Variants in CAMK1D observed in about 807,000 individuals in gnomAD.
CAMK1D encodes the protein calcium/calmodulin dependent protein kinase ID.
CAMK1D carries 9 observed loss-of-function variants against 47.7 expected under a neutral mutation model. The observed-to-expected ratio is 0.19, with a 90% CI of 0.11 to 0.33. CAMK1D has a LOEUF of 0.33. Ranked by LOEUF, CAMK1D falls within the 10% of genes least tolerant of loss-of-function variation. The pLI, the probability that CAMK1D is intolerant of heterozygous loss-of-function variation, is 1.00. For synonymous variants in CAMK1D, 184 were observed against 184.9 expected, an observed-to-expected ratio of 0.99 and a Z score of 0.04; for missense variants, 291 against 488.7, an observed-to-expected ratio of 0.60 and a Z score of 3.81.
At chr10:12,509,155 G>C (rs563822971) in intron 1 of CAMK1D, among the ~76,000 whole-genome samples, 1 of 152,206 alleles carries the variant, frequency 6.6e-6, no homozygotes, top group Non-Finnish European at 1.5e-5. Flanking sequence ...ATAATTGCAC[G>C]ACTTTCCCTT....
intron 4 of CAMK1D, among the ~76,000 whole-genome samples, chr10:12,764,391 A>AAAAAAAAAAAAAAAAC (rs1554822776): frequency 6.6e-6 from 1 of 151,096 alleles, no homozygotes; most frequent in Non-Finnish European, 1.5e-5. Context: ...CAAAAAAAAA[A>AAAAAAAAAAAAAAAAC]AAAAAAACAT....
chr10:12,747,848 A>G (rs1384488987), intron 3 of CAMK1D, among the ~76,000 whole-genome samples: 1 of 152,154 alleles, frequency 6.6e-6, no homozygotes, highest in Non-Finnish European at 1.5e-5. Context: ...AGCAGGAGGG[A>G]TCCCCTCATA....
rs577455777 is a variant in CAMK1D, at chr10:12,537,223, C to T, written c.93-16002C>T. 5.3e-5 allele frequency among the ~76,000 whole-genome samples: 8 copies of T among 152,258 alleles called. No homozygotes were observed. In the South Asian group the frequency reaches 6.2e-4, roughly 12 times the overall value. On this transcript the variant is annotated intron_variant, in intron 1 of 10. Transcript: ENST00000619168. The stretch of plus-strand genomic sequence containing the variant: ...AGTAGCTGGGATTACACATGTGTAC[C>T]ACTGTGCCCGGCTAATTTTTGTCTT...
chr10:12,793,588 C>G (rs1162644345), intron 6 of CAMK1D, among the ~76,000 whole-genome samples: 1 of 152,240 alleles, frequency 6.6e-6, no homozygotes, highest in Non-Finnish European at 1.5e-5. Context: ...TCAACCAATT[C>G]GTTTCCTGGT....
chr10:12,544,297 T>C (rs1836289940), intron 1 of CAMK1D, among the ~76,000 whole-genome samples: 1 of 152,212 alleles, frequency 6.6e-6, no homozygotes, highest in Non-Finnish European at 1.5e-5. Context: ...CAAATAAATG[T>C]CTTGTCACAA....
intron 1 of CAMK1D, among the ~76,000 whole-genome samples, chr10:12,380,221 A>C (rs1260077020): frequency 6.6e-6 from 1 of 152,184 alleles, no homozygotes; most frequent in African/African-American, 2.4e-5. Flanking sequence ...TCTCAAAAAA[A>C]AAGAAGAGGC....
chr10:12,746,584 C>T (rs1166237825), intron 3 of CAMK1D, among the ~76,000 whole-genome samples: 2 of 152,124 alleles, frequency 1.3e-5, no homozygotes, highest in Non-Finnish European at 2.9e-5. Context: ...TTCTTGCTTC[C>T]CTGACCTTGC....
intron 6 of CAMK1D, among the ~76,000 whole-genome samples, chr10:12,801,411 T>TATC (rs1838471308): frequency 7.0e-6 from 1 of 143,346 alleles, no homozygotes; most frequent in Non-Finnish European, 1.5e-5. Flanking sequence ...TCTGTCCATC[T>TATC]CATTCATCAA....
chr10:12,530,354 G>A (rs1835765875), intron 1 of CAMK1D, among the ~76,000 whole-genome samples: 1 of 152,188 alleles, frequency 6.6e-6, no homozygotes, highest in Non-Finnish European at 1.5e-5. Flanking sequence ...AGTGTTGTAA[G>A]CAACTGGGTC....
At chr10:12,531,042 G>C (rs1225828489) in intron 1 of CAMK1D, among the ~76,000 whole-genome samples, 1 of 144,258 alleles carries the variant, frequency 6.9e-6, no homozygotes, top group African/African-American at 2.6e-5. Flanking sequence ...TGGAAGACAG[G>C]GTGAGACTCT....
chr10:12,756,341 A>G (rs1201295800), intron 3 of CAMK1D, among the ~76,000 whole-genome samples: 2 of 152,266 alleles, frequency 1.3e-5, no homozygotes, highest in African/African-American at 2.4e-5. Flanking sequence ...AAGCAACAGC[A>G]TGGCTGGCCA....
intron 2 of CAMK1D, among the ~76,000 whole-genome samples, chr10:12,643,661 A>C (rs1055488053): frequency 1.3e-5 from 2 of 152,070 alleles, no homozygotes; most frequent in Admixed American, 1.3e-4. Flanking sequence ...AGGTGGGTGG[A>C]TCACTTGAGG....
intron 1 of CAMK1D, among the ~76,000 whole-genome samples, chr10:12,511,166 A>G (rs2815656): frequency 0.095 from 14,481 of 152,194 alleles, 910 homozygotes; most frequent in East Asian, 0.37. Context: ...GGTTTGGGCA[A>G]TGGAACGTCT....
chr10:12,505,055 A>G (rs568564456), intron 1 of CAMK1D, among the ~76,000 whole-genome samples: 161 of 152,230 alleles, frequency 1.1e-3, no homozygotes, highest in African/African-American at 3.9e-3. Flanking sequence ...TACCATCATC[A>G]TTTTGTTTTA....
intron 3 of CAMK1D, among the ~76,000 whole-genome samples, chr10:12,690,340 T>C (rs1216891995): frequency 6.6e-6 from 1 of 152,206 alleles, no homozygotes; most frequent in Non-Finnish European, 1.5e-5. Context: ...AGTCATTTTC[T>C]ATAAGAAACA....
intron 6 of CAMK1D, among the ~76,000 whole-genome samples, chr10:12,811,464 A>G (rs1832603287): frequency 6.6e-6 from 1 of 152,172 alleles, no homozygotes; most frequent in East Asian, 1.9e-4. Context: ...TTATTTTACA[A>G]TCCTTACTTT....
At chr10:12,453,530 T>C (rs977160393) in intron 1 of CAMK1D, among the ~76,000 whole-genome samples, 13 of 152,172 alleles carry the variant, frequency 8.5e-5, no homozygotes, top group Non-Finnish European at 1.5e-5. Flanking sequence ...TTCCATTGTA[T>C]GGCTAGATCA....
At chr10:12,367,161 C>CT (rs1464372253) in intron 1 of CAMK1D, among the ~76,000 whole-genome samples, 1 of 152,174 alleles carries the variant, frequency 6.6e-6, no homozygotes, top group Non-Finnish European at 1.5e-5. Flanking sequence ...GTGGCTGACT[C>CT]TCCCTGCTTA....
chr10:12,472,946 A>C (rs1833792183), intron 1 of CAMK1D, among the ~76,000 whole-genome samples: 1 of 152,192 alleles, frequency 6.6e-6, no homozygotes, highest in African/African-American at 2.4e-5. Context: ...CCAGGGAGCC[A>C]GGGAAGCTGA....
Sources: allele counts gnomAD v4.1 joint callset (sites outside exome capture counted in the v4.1 genomes callset), GRCh38; gene constraint gnomAD v4.1.1; transcripts MANE v1.5; gene names NCBI Gene and HGNC (gene_info 2026-07-23, HGNC 2026-07-21).